Variants in ZFYVE9 observed in about 807,000 individuals in gnomAD.
ZFYVE9 encodes zinc finger FYVE domain-containing protein 9.
In ZFYVE9, 43 loss-of-function variants were observed where a neutral mutation model predicts 126.7. The observed-to-expected ratio is 0.34, with a 90% CI of 0.27 to 0.44. ZFYVE9 has a LOEUF of 0.44. Ranked by LOEUF, ZFYVE9 falls within the 20% of genes least tolerant of loss-of-function variation. ZFYVE9 has a pLI of 1.00. For synonymous variants in ZFYVE9, 521 were observed against 597.4 expected, an observed-to-expected ratio of 0.87 and a Z score of 1.87; for missense variants, 1,476 against 1,697.0, an observed-to-expected ratio of 0.87 and a Z score of 2.29.
intron 10 of ZFYVE9, among the ~76,000 whole-genome samples, chr1:52,292,950 A>T (rs1413839154): frequency 2.0e-5 from 3 of 152,198 alleles, no homozygotes; most frequent in Non-Finnish European, 1.5e-5. Context: ...ATAAAATTGG[A>T]AACCAAATTT....
At chr1:52,173,945 A>G (rs2124528531) in intron 1 of ZFYVE9, among the ~76,000 whole-genome samples, 1 of 149,518 alleles carries the variant, frequency 6.7e-6, no homozygotes, top group South Asian at 2.2e-4. Flanking sequence ...GATCCTTTCA[A>G]AAAACCGGCT....
At chr1:52,172,027 G>T (rs1322851169) in intron 1 of ZFYVE9, among the ~76,000 whole-genome samples, 1 of 151,912 alleles carries the variant, frequency 6.6e-6, no homozygotes, top group Non-Finnish European at 1.5e-5. Flanking sequence ...TGTCAATTTT[G>T]GCTTTTGTTG....
intron 10 of ZFYVE9, among the ~76,000 whole-genome samples, chr1:52,287,135 G>A (rs1645869445): frequency 6.6e-6 from 1 of 151,868 alleles, no homozygotes; most frequent in Non-Finnish European, 1.5e-5. Flanking sequence ...TGTCGCCCGG[G>A]CCGGAGTGCA....
At chr1:52,175,148 G>C (rs906140934) in intron 1 of ZFYVE9, among the ~76,000 whole-genome samples, 5 of 152,006 alleles carry the variant, frequency 3.3e-5, no homozygotes, top group Admixed American at 1.3e-4. Flanking sequence ...GGTACTGGTT[G>C]TTCCTTTCCA....
chr1:52,171,570 G>A lies in ZFYVE9; in HGVS notation c.-143+29167G>A, dbSNP rs1407533901. ...TCTAGTTCTAGATCCCTGAGGAATTGCCACACTGACTTCCACAATGGTTGA... is the reference window on the plus strand; with the variant it reads ...TCTAGTTCTAGATCCCTGAGGAATTACCACACTGACTTCCACAATGGTTGA... On this transcript the variant is annotated intron_variant, in intron 1 of 18. Coordinates refer to ENST00000287727, the MANE Select transcript of ZFYVE9 (RefSeq NM_004799.4). 4.6e-5 allele frequency among the ~76,000 whole-genome samples: 7 copies of A among 152,140 alleles called. No individual in the cohort carries two copies. In the East Asian group the frequency reaches 1.2e-3, roughly 25 times the overall value.
intron 10 of ZFYVE9, among the ~76,000 whole-genome samples, chr1:52,285,549 G>A (rs531317444): frequency 1.8e-4 from 28 of 152,268 alleles, no homozygotes; most frequent in African/African-American, 4.6e-4. Context: ...TGAACTGCGC[G>A]TGTGAGGGAT....
At chr1:52,169,998 C>A (rs1166050769) in intron 1 of ZFYVE9, among the ~76,000 whole-genome samples, 1 of 152,084 alleles carries the variant, frequency 6.6e-6, no homozygotes, top group Non-Finnish European at 1.5e-5. Flanking sequence ...GCCAAGAATT[C>A]GTTTTGACCT....
At chr1:52,219,749 TTGTG>T (rs56340178) in intron 2 of ZFYVE9, among the ~76,000 whole-genome samples, 16,037 of 113,066 alleles carry the variant, frequency 0.14, 1,031 homozygotes, top group Admixed American at 0.18. Context: ...CCAAGATCTT[TTGTG>T]TGTGTGTGTG....
intron 1 of ZFYVE9, among the ~76,000 whole-genome samples, chr1:52,164,633 TGTCCGTCC>T (rs1283633726): frequency 1.3e-5 from 2 of 151,874 alleles, no homozygotes; most frequent in African/African-American, 4.9e-5. Flanking sequence ...TATATATCTT[TGTCCGTCC>T]GTCCATCCGT....
At chr1:52,271,288 CTAATATT>C (rs1251935751) in intron 7 of ZFYVE9, among the ~76,000 whole-genome samples, 5 of 152,146 alleles carry the variant, frequency 3.3e-5, no homozygotes, top group Non-Finnish European at 7.3e-5. Context: ...GTGCAACACT[CTAATATT>C]TATGTGGTAA....
intron 2 of ZFYVE9, among the ~76,000 whole-genome samples, chr1:52,219,752 TGTGTGTGTG>T (rs1645106065): frequency 3.5e-5 from 1 of 28,684 alleles, no homozygotes; most frequent in African/African-American, 1.3e-4. Flanking sequence ...AGATCTTTTG[TGTGTGTGTG>T]TGTGTGTGTG....
chr1:52,181,114 G>C (rs1644697361), intron 1 of ZFYVE9, among the ~76,000 whole-genome samples: 2 of 150,794 alleles, frequency 1.3e-5, no homozygotes, highest in South Asian at 4.2e-4. Flanking sequence ...CTCTTTCCAC[G>C]GTCTCCCTCT....
rs151075487 is a variant in ZFYVE9 at position 52,177,403 on chromosome 1, G to A, written c.-143+35000G>A. Among the ~76,000 whole-genome samples, 355 of 152,226 alleles carry A rather than the reference G, an allele frequency of 2.3e-3. 1 individual carries two copies. The highest frequency in any genetic ancestry group is 8.0e-3 in the African/African-American group (334 of 41,546). On this transcript the variant is annotated intron_variant, in intron 1 of 18. Coordinates refer to ENST00000287727, the MANE Select transcript of ZFYVE9 (RefSeq NM_004799.4). ...GACCTCATGATCCATCCGCCTCGCC[G>A]CACAAAGTGCTGGATTACAGGCGTG...
chr1:52,147,432 C>G (rs944382483), intron 1 of ZFYVE9, among the ~76,000 whole-genome samples: 1 of 152,094 alleles, frequency 6.6e-6, no homozygotes, highest in African/African-American at 2.4e-5. Context: ...CCTAGGCAAC[C>G]GCTAATGTAC....
rs571351410 is a variant in ZFYVE9 at position 52,310,349 on chromosome 1, G to C, written c.3438+6424G>C. On this transcript the variant is annotated intron_variant, in intron 13 of 18. Transcript: ENST00000287727. ...ACCAGGCACTATTCTAAGCATATAT[G>C]TATCTTTACACTAACTCTATGACAT... Among the ~76,000 whole-genome samples the C allele has an allele frequency of 3.3e-5, 5 of 152,210 alleles. No homozygotes were observed. The South Asian group carries it at 1.0e-3, about 32-fold the overall frequency.
intron 10 of ZFYVE9, among the ~76,000 whole-genome samples, chr1:52,286,551 GAC>G (rs1375733263): frequency 6.6e-6 from 1 of 152,188 alleles, no homozygotes; most frequent in Non-Finnish European, 1.5e-5. Flanking sequence ...TTCTGGTTAT[GAC>G]AGTGCCATCG....
intron 1 of ZFYVE9, among the ~76,000 whole-genome samples, chr1:52,146,832 A>G (rs1644310300): frequency 6.6e-6 from 1 of 152,202 alleles, no homozygotes; most frequent in Non-Finnish European, 1.5e-5. Context: ...GTAGTAGAAT[A>G]CCTTATATTT....
At chr1:52,317,443 T>C (rs1646196363) in intron 13 of ZFYVE9, among the ~76,000 whole-genome samples, 1 of 150,610 alleles carries the variant, frequency 6.6e-6, no homozygotes, top group Non-Finnish European at 1.5e-5. Context: ...GATCACGCCA[T>C]TGCACTCCAG....
intron 1 of ZFYVE9, among the ~76,000 whole-genome samples, chr1:52,157,758 T>C (rs1400574082): frequency 6.6e-6 from 1 of 152,170 alleles, no homozygotes; most frequent in Non-Finnish European, 1.5e-5. Context: ...TAAGTCTTAT[T>C]GGCTGTCTTT....
Sources: gnomAD v4.1 joint callset for allele counts (sites outside exome capture counted in the v4.1 genomes callset) on GRCh38, gnomAD v4.1.1 for gene constraint, MANE v1.5 for transcripts, NCBI Gene and HGNC (gene_info 2026-07-23, HGNC 2026-07-21) for gene names.